Variants in REDIC1 observed in about 807,000 individuals in gnomAD.
The protein encoded by REDIC1 is regulator of DNA class I crossover intermediates 1, also known as HEI10 Interacting Protein 1.
chr12:39,859,480 C>A, the REDIC1 span, among the ~76,000 whole-genome samples: 1 of 151,826 alleles, frequency 6.6e-6, no homozygotes, highest in African/African-American at 2.4e-5. Context: ...ACTTTAAGTA[C>A]CTCTGCAGAT....
chr12:39,653,270 C>A, the REDIC1 span, among the ~76,000 whole-genome samples: 1 of 151,552 alleles, frequency 6.6e-6, no homozygotes, highest in Admixed American at 6.6e-5. Flanking sequence ...GTATTTTATT[C>A]TTTTTATGCT....
the REDIC1 span, among the ~76,000 whole-genome samples, chr12:39,873,330 G>A: frequency 1.3e-5 from 2 of 152,194 alleles, no homozygotes; most frequent in Non-Finnish European, 1.5e-5. Context: ...TGCAGTCAGA[G>A]TGTAAAGTGA....
At chr12:39,674,015 A>G in the REDIC1 span, among the ~76,000 whole-genome samples, 1 of 152,206 alleles carries the variant, frequency 6.6e-6, no homozygotes, top group African/African-American at 2.4e-5. Context: ...ATATTTATCT[A>G]TAGGAAAACA....
At chr12:39,871,413 T>C in the REDIC1 span, among the ~76,000 whole-genome samples, 1 of 152,086 alleles carries the variant, frequency 6.6e-6, no homozygotes, top group African/African-American at 2.4e-5. Context: ...TTCCATTGTA[T>C]GTCAAATTTA....
the REDIC1 span, among the ~76,000 whole-genome samples, chr12:39,838,016 A>G: frequency 6.6e-6 from 1 of 151,156 alleles, no homozygotes; most frequent in African/African-American, 2.4e-5. Context: ...ACTATAAATC[A>G]TGCTGCTATA....
the REDIC1 span, among the ~76,000 whole-genome samples, chr12:39,903,748 G>T: frequency 1.3e-5 from 2 of 152,024 alleles, no homozygotes; most frequent in African/African-American, 4.8e-5. Context: ...TCCAACTGAA[G>T]CAAGCTCTAT....
the REDIC1 span, among the ~76,000 whole-genome samples, chr12:39,823,989 T>C: frequency 1.3e-5 from 2 of 152,198 alleles, no homozygotes; most frequent in African/African-American, 4.8e-5. Context: ...ATGAAGTGAC[T>C]GGAACATCAT....
the REDIC1 span, among the ~76,000 whole-genome samples, chr12:39,645,800 C>T: frequency 2.6e-5 from 4 of 152,108 alleles, no homozygotes; most frequent in African/African-American, 9.7e-5. Context: ...CAGGGTTTCA[C>T]TGTGTTGCCC....
At chr12:39,684,829 C>G in the REDIC1 span, 1 of 1,470,508 alleles carries the variant, frequency 6.8e-7, no homozygotes, top group Non-Finnish European at 9.4e-7. Context: ...CCAGAGGGAA[C>G]ACAACAAACT....
the REDIC1 span, chr12:39,760,063 T>C: frequency 1.2e-6 from 2 of 1,612,664 alleles, no homozygotes; most frequent in Non-Finnish European, 1.7e-6. Context: ...AGAAAGATGA[T>C]AGTTACTTCC....
At chr12:39,724,132 G>A in the REDIC1 span, among the ~76,000 whole-genome samples, 2 of 152,174 alleles carry the variant, frequency 1.3e-5, no homozygotes, top group South Asian at 4.2e-4. Context: ...CTGTTTGAGC[G>A]CAGTCGTTTT....
chr12:39,870,436 G>A, the REDIC1 span, among the ~76,000 whole-genome samples: 7 of 152,032 alleles, frequency 4.6e-5, no homozygotes, highest in Non-Finnish European at 1.0e-4. Flanking sequence ...CCATTTCATT[G>A]CTGGATAGCT....
At chr12:39,770,720 T>G in the REDIC1 span, among the ~76,000 whole-genome samples, 1 of 152,192 alleles carries the variant, frequency 6.6e-6, no homozygotes, top group Non-Finnish European at 1.5e-5. Context: ...GTGCCCCTCA[T>G]GACATTTCTA....
chr12:39,879,292 C>G, the REDIC1 span, among the ~76,000 whole-genome samples: 4 of 152,312 alleles, frequency 2.6e-5, no homozygotes, highest in African/African-American at 9.6e-5. Flanking sequence ...TCCCCTATTG[C>G]CTAGTGGAGC....
At chr12:39,743,062 GA>G in the REDIC1 span, among the ~76,000 whole-genome samples, 1 of 9,252 alleles carries the variant, frequency 1.1e-4, no homozygotes, top group Non-Finnish European at 1.8e-4. Context: ...GTGACGATGG[GA>G]GAAAAATCCC....
the REDIC1 span, among the ~76,000 whole-genome samples, chr12:39,665,211 A>G: frequency 6.6e-6 from 1 of 152,156 alleles, no homozygotes; most frequent in East Asian, 1.9e-4. Context: ...TTTAGGTCTA[A>G]CATGTAAGTC....
At chr12:39,905,993 A>C in the REDIC1 span, among the ~76,000 whole-genome samples, 2 of 152,176 alleles carry the variant, frequency 1.3e-5, no homozygotes, top group Non-Finnish European at 2.9e-5. Flanking sequence ...ATTGAAATAT[A>C]ACAGCTGATT....
chr12:39,767,361 A>G, the REDIC1 span, among the ~76,000 whole-genome samples: 2 of 150,248 alleles, frequency 1.3e-5, no homozygotes, highest in South Asian at 4.2e-4. Flanking sequence ...TCTCCAAACT[A>G]TGCTGTAAAT....
the REDIC1 span, chr12:39,864,738 A>C: frequency 6.2e-7 from 1 of 1,611,452 alleles, no homozygotes; most frequent in African/African-American, 1.3e-5. Flanking sequence ...CATGTAAAGG[A>C]AGAAGAACAT....
Sources: allele counts gnomAD v4.1 joint callset (sites outside exome capture counted in the v4.1 genomes callset), GRCh38; gene constraint gnomAD v4.1.1; transcripts MANE v1.5; gene names NCBI Gene and HGNC (gene_info 2026-07-23, HGNC 2026-07-21).